The following HNF4G variants were observed in gnomAD, a reference collection of about 807,000 sequenced individuals.
The protein encoded by HNF4G is hepatocyte nuclear factor 4 gamma.
Under a neutral mutation model 50.9 loss-of-function variants are expected in HNF4G, and 21 were observed. That is an observed-to-expected ratio of 0.41 (90% CI 0.29 to 0.59). The LOEUF is 0.59. HNF4G is among the 20% of genes least tolerant of loss of function. HNF4G has a pLI of 0.26. For missense variants in HNF4G, 527 were observed against 559.4 expected, an observed-to-expected ratio of 0.94 and a Z score of 0.58; for synonymous variants, 198 against 185.6, an observed-to-expected ratio of 1.07 and a Z score of -0.54.
At chr8:75,489,944 T>C (rs1244901723) in intron 1 of HNF4G, 1 of 152,222 alleles carries the variant, frequency 6.6e-6, no homozygotes, top group Non-Finnish European at 1.5e-5. Context: ...AATCACATTG[T>C]TATTATGGGT....
At chr8:75,452,253 A>G (rs1408108126) in intron 1 of HNF4G, among the ~76,000 whole-genome samples, 1 of 152,150 alleles carries the variant, frequency 6.6e-6, no homozygotes, top group South Asian at 2.1e-4. Flanking sequence ...TTGGTATTAT[A>G]CCATTTCTAG....
Position 75,560,322 on chromosome 8 carries a change from A to G in HNF4G, c.1124-22A>G, listed in dbSNP as rs755095497. On this transcript the variant is annotated intron_variant, in intron 8 of 9. Transcript: ENST00000396423. ...GTTCCTGATTAAATATCACTAACACAGCATCTTTTTATCTTTTGTAGGGGC... is the reference window on the plus strand; with the variant it reads ...GTTCCTGATTAAATATCACTAACACGGCATCTTTTTATCTTTTGTAGGGGC... 9.9e-5 allele frequency: 160 copies of G among 1,610,532 alleles called. No homozygotes were observed. In the Admixed American group the frequency reaches 2.6e-3, roughly 26 times the overall value.
At chr8:75,503,848 A>G (rs1364139447) in intron 2 of HNF4G, among the ~76,000 whole-genome samples, 1 of 152,142 alleles carries the variant, frequency 6.6e-6, no homozygotes, top group Non-Finnish European at 1.5e-5. Flanking sequence ...GTGGATGGGA[A>G]CCAGTTTAAA....
intron 3 of HNF4G, among the ~76,000 whole-genome samples, chr8:75,550,220 T>C (rs114916810): frequency 1.6e-4 from 24 of 152,318 alleles, no homozygotes; most frequent in African/African-American, 5.8e-4. Flanking sequence ...CTACATTCCT[T>C]GTTTCCCTTC....
intron 1 of HNF4G, among the ~76,000 whole-genome samples, chr8:75,463,772 A>ATTTTTTTT (rs373640826): frequency 8.7e-6 from 1 of 115,580 alleles, no homozygotes; most frequent in Non-Finnish European, 1.8e-5. Flanking sequence ...GAATATGTTG[A>ATTTTTTTT]TTTTTTTTTT....
chr8:75,533,978 T>C (rs1203049546), intron 2 of HNF4G, among the ~76,000 whole-genome samples: 1 of 151,952 alleles, frequency 6.6e-6, no homozygotes, highest in Non-Finnish European at 1.5e-5. Flanking sequence ...TTATAGTTCA[T>C]TAAAATGTTC....
At chr8:75,551,273 CT>C in intron 3 of HNF4G, 114 bp from the exon 4 acceptor site, 1 of 599,776 alleles carries the variant, frequency 1.7e-6, no homozygotes, top group Non-Finnish European at 3.0e-6. Flanking sequence ...CTTCCAAGGT[CT>C]TTTAGAAAGA....
At position 75,504,270 on chromosome 8, in the gene HNF4G, C is replaced by CACACAA. The variant is rs1554576020; in HGVS notation, c.-24+14067_-24+14068insAACACA. Reference sequence around the variant, plus strand: ...ACACACACACACACACACACACACACACACACCAAAAACAACAACAAAAAA... The same window carrying CACACAA: ...ACACACACACACACACACACACACACACACAAACACACCAAAAACAACAACAAAAAA... On this transcript the variant is annotated intron_variant, in intron 2 of 10. Coordinates refer to the HNF4G transcript ENST00000354370. Among the ~76,000 whole-genome samples, 28 of 82,846 alleles carry CACACAA rather than the reference C, an allele frequency of 3.4e-4. 1 individual carries two copies. Among genetic ancestry groups the CACACAA allele is most frequent in the African/African-American group, 2.3e-3 (28 of 12,106 alleles). The allele number at this position is 82,846 out of a possible 152,430, so 54.4% of individuals were successfully genotyped here. A position where few individuals can be genotyped will look rare whatever the true frequency, so the allele number is the denominator to read the frequency against.
Position 75,558,244 on chromosome 8 carries a change from A to C in HNF4G, c.734-274A>C, listed in dbSNP as rs190804219. 3.5e-4 allele frequency among the ~76,000 whole-genome samples: 54 copies of C among 152,324 alleles called. 2 individuals are homozygous for C. Among genetic ancestry groups the C allele is most frequent in the Admixed American group, 3.2e-3 (49 of 15,298 alleles). Reference sequence around the variant, plus strand: ...TAATCATTATATTTAGATTTTGTCAAATATCAGCATGTTATTAGTCTGCAC... The same window carrying C: ...TAATCATTATATTTAGATTTTGTCACATATCAGCATGTTATTAGTCTGCAC... On this transcript the variant is annotated intron_variant, in intron 6 of 9. Coordinates refer to ENST00000396423, the MANE Select transcript of HNF4G (RefSeq NM_004133.5).
chr8:75,558,464 T>C (rs530387687), intron 6 of HNF4G, 54 bp from the exon 7 acceptor site: 43 of 1,545,656 alleles, frequency 2.8e-5, no homozygotes, highest in Middle Eastern at 3.9e-4. Context: ...TGCTGACAAT[T>C]TGGGGAGACA....
chr8:75,500,526 A>C (rs895515921), intron 2 of HNF4G, among the ~76,000 whole-genome samples: 1 of 152,168 alleles, frequency 6.6e-6, no homozygotes, highest in African/African-American at 2.4e-5. Context: ...ACATGTACCC[A>C]AGAGCATTTA....
At chr8:75,426,839 T>C (rs1377591978) in intron 1 of HNF4G, among the ~76,000 whole-genome samples, 1 of 152,192 alleles carries the variant, frequency 6.6e-6, no homozygotes, top group Non-Finnish European at 1.5e-5. Flanking sequence ...TAATGTTTAG[T>C]TCGTACTTGG....
rs778331646 is a variant in HNF4G at position 75,540,013 on chromosome 8, T to G, written c.51T>G (p.Ser17Arg). ...TGGACATGGACATGGCAAATTACAG[T>G]GAAGTTTTGGACCCAACTTACACAA... is the stretch of plus-strand genomic sequence containing the variant. ...PILDMDMANY[S>R]EVLDPTYTTL... Residue 17 changes from serine to arginine, a missense_variant, in exon 1 of 10, where the codon AGT becomes AGG. Around this residue, in one of 5 missense-constraint regions of HNF4G, gnomAD observed 84 missense variants for 87.1 expected, o/e 0.96. Coordinates refer to ENST00000396423, the MANE Select transcript of HNF4G (RefSeq NM_004133.5). 6.2e-7 allele frequency: 1 copy of G among 1,608,066 alleles called. No individual in the cohort carries two copies.
At chr8:75,529,619 C>T (rs1422852969) in intron 2 of HNF4G, among the ~76,000 whole-genome samples, 1 of 151,916 alleles carries the variant, frequency 6.6e-6, no homozygotes. Flanking sequence ...AGGAAATGGA[C>T]AATGATCATG....
At position 75,558,583 on chromosome 8, in the gene HNF4G, C is replaced by A; in HGVS notation, c.799C>A (p.Leu267Ile). The change falls in exon 7 of 10, where the codon CTA (leucine) becomes ATA (isoleucine). Residue 267 changes from leucine (L) to isoleucine (I), a missense_variant. This residue lies in a region of HNF4G where 308 missense variants were observed against 301.5 expected (regional missense o/e 1.02). Coordinates refer to ENST00000396423, the MANE Select transcript of HNF4G (RefSeq NM_004133.5). ...GATTAGCCGTGTGGCCAATCGTGTT[C>A]TAGATGAGCTGGTTAGACCATTTCA... ...VEISRVANRV[L>I]DELVRPFQEI... is the part of the protein sequence containing the mutation. 1 of 1,613,776 alleles carries A rather than the reference C, an allele frequency of 6.2e-7. No homozygotes were observed. The highest frequency in any genetic ancestry group is 8.5e-7 in the Non-Finnish European group (1 of 1,179,744).
At chr8:75,421,235 C>T (rs1810768072) in intron 1 of HNF4G, among the ~76,000 whole-genome samples, 1 of 152,160 alleles carries the variant, frequency 6.6e-6, no homozygotes, top group Non-Finnish European at 1.5e-5. Context: ...TTTACACTTG[C>T]AGCACATCTC....
chr8:75,548,378 C>A (rs914886664), intron 3 of HNF4G, among the ~76,000 whole-genome samples: 7 of 152,042 alleles, frequency 4.6e-5, no homozygotes, highest in Non-Finnish European at 1.0e-4. Flanking sequence ...TTCATGCATT[C>A]ATTTATTTAC....
chr8:75,528,777 T>A (rs1174377234), intron 2 of HNF4G, among the ~76,000 whole-genome samples: 2 of 126,802 alleles, frequency 1.6e-5, no homozygotes, highest in Non-Finnish European at 3.3e-5. Context: ...AGCCTAAACT[T>A]CTACTTTTTT....
intron 3 of HNF4G, among the ~76,000 whole-genome samples, chr8:75,549,743 A>G (rs1585946980): frequency 6.6e-6 from 1 of 151,878 alleles, no homozygotes; most frequent in Admixed American, 6.6e-5. Flanking sequence ...ATATCTCCTA[A>G]TGCTATCCCT....
Sources: gnomAD v4.1 joint callset for allele counts (sites outside exome capture counted in the v4.1 genomes callset) on GRCh38, gnomAD v4.1.1 for gene constraint, gnomAD v4.1.1 regional missense constraint, MANE v1.5 for transcripts, NCBI Gene and HGNC (gene_info 2026-07-23, HGNC 2026-07-21) for gene names.